The following SPOCD1 variants were observed in gnomAD, a reference collection of about 807,000 sequenced individuals.
SPOCD1 encodes SPOC domain containing 1.
A neutral mutation model predicts 92.2 loss-of-function variants in SPOCD1; 64 were observed. That is an observed-to-expected ratio of 0.69 (90% CI 0.57 to 0.86). SPOCD1 has a LOEUF of 0.86. Among genes scored for constraint, SPOCD1 ranks in the 40% least tolerant of loss-of-function variants. The probability of loss-of-function intolerance (pLI) is 0.00; values close to 1 mark genes in which losing one functional copy is unlikely to be tolerated. For synonymous variants in SPOCD1, 578 were observed against 619.3 expected, an observed-to-expected ratio of 0.93 and a Z score of 0.99; for missense variants, 1,360 against 1,543.1, an observed-to-expected ratio of 0.88 and a Z score of 1.99.
At position 31,792,406 on chromosome 1, in the gene SPOCD1, G is replaced by A. The variant is rs1268034491; in HGVS notation, c.2776-5C>T. Reference sequence around the variant, plus strand: ...CAGTCTGACCACGCAGACGTCCTGCGGTGGCAGGAGGAGAGCAGCTGTAAG... The same window carrying A: ...CAGTCTGACCACGCAGACGTCCTGCAGTGGCAGGAGGAGAGCAGCTGTAAG... On this transcript the variant is annotated splice_polypyrimidine_tract_variant and splice_region_variant and intron_variant, in intron 14 of 15. Transcript: ENST00000360482. 5.0e-6 allele frequency: 8 copies of A among 1,612,366 alleles called. No individual in the cohort carries two copies. Among genetic ancestry groups the A allele is most frequent in the Admixed American group, 1.7e-5 (1 of 59,888 alleles).
chr1:31,791,355 C>T, intron 15 of SPOCD1, 64 bp from the exon 16 acceptor site: 10 of 1,336,270 alleles, frequency 7.5e-6, no homozygotes, highest in Non-Finnish European at 9.9e-6. Flanking sequence ...CCAGGAAGGG[C>T]TTCTTCACAG....
chr1:31,804,221 G>A (rs967223803), intron 2 of SPOCD1, among the ~76,000 whole-genome samples: 3 of 152,150 alleles, frequency 2.0e-5, no homozygotes, highest in East Asian at 1.9e-4. Flanking sequence ...ATCTTATGAG[G>A]TACTGGTACT....
At position 31,799,693 on chromosome 1, in the gene SPOCD1, TG is replaced by T. The variant is rs933774726; in HGVS notation, c.1783+115del. The T allele has an allele frequency of 5.3e-5, 71 of 1,346,302 alleles. 1 individual carries two copies. Among genetic ancestry groups the T allele is most frequent in the Non-Finnish European group, 8.3e-6 (8 of 958,466 alleles). 83.4% of individuals were successfully genotyped at this position (1,346,302 alleles called of 1,614,324 possible). A position where few individuals can be genotyped will look rare whatever the true frequency, so the allele number is the denominator to read the frequency against. On this transcript the variant is annotated intron_variant, in intron 6 of 15. Transcript: ENST00000360482. The stretch of plus-strand genomic sequence containing the variant: ...CCTTTGGGGAGGAGCTATAGGCTGA[TG>T]GGATGTGGGGAGAGAAGAATCATAG...
intron 2 of SPOCD1, among the ~76,000 whole-genome samples, chr1:31,813,714 T>G (rs1165548002): frequency 6.6e-6 from 1 of 152,142 alleles, no homozygotes. Context: ...GAGGCAAAAT[T>G]CGAACCCAGG....
At chr1:31,799,924 A>T in intron 5 of SPOCD1, 61 bp from the exon 6 acceptor site, 7 of 1,613,596 alleles carry the variant, frequency 4.3e-6, no homozygotes, top group Non-Finnish European at 5.9e-6. Flanking sequence ...AGCCCAGGGG[A>T]CACTGCTTCC....
intron 12 of SPOCD1, 36 bp downstream of exon 12, chr1:31,793,711 G>A: frequency 6.2e-7 from 1 of 1,613,062 alleles, no homozygotes; most frequent in Non-Finnish European, 8.5e-7. Flanking sequence ...CCTCAACCCT[G>A]CTGGGTTATC....
In SPOCD1 at chr1:31,800,558, C is replaced by T. The variant is rs1461925624; in HGVS notation, c.1485G>A (p.Gly495=). The change falls in exon 4 of 16, where the codon GGG becomes GGA. Residue 495 remains glycine, a synonymous_variant. Coordinates refer to ENST00000360482, the MANE Select transcript of SPOCD1 (RefSeq NM_144569.7). The stretch of plus-strand genomic sequence containing the variant: ...GAACCTCCAGCTTTGGTGGCAGCTG[C>T]CCCCCTGCCTGGCCGTGGCTGATGG... ...LGAISHGQAG[G]QLPPKLEVLE... 8.1e-6 allele frequency: 13 copies of T among 1,610,700 alleles called. No homozygotes were observed. Among genetic ancestry groups the T allele is most frequent in the Non-Finnish European group, 1.1e-5 (13 of 1,178,734 alleles).
chr1:31,804,689 A>G (rs1007886772), intron 2 of SPOCD1, among the ~76,000 whole-genome samples: 10 of 17,276 alleles, frequency 5.8e-4, no homozygotes, highest in Non-Finnish European at 1.3e-3. Flanking sequence ...AATCCCAGAT[A>G]GATAAGATGA....
At chr1:31,804,179 T>G (rs1648660446) in intron 2 of SPOCD1, among the ~76,000 whole-genome samples, 1 of 152,226 alleles carries the variant, frequency 6.6e-6, no homozygotes, top group South Asian at 2.1e-4. Context: ...TGGCAAGTGC[T>G]TTACATATTA....
chr1:31,805,427 A>G (rs1223146703), intron 2 of SPOCD1, among the ~76,000 whole-genome samples: 1 of 152,166 alleles, frequency 6.6e-6, no homozygotes, highest in Non-Finnish European at 1.5e-5. Context: ...TGCAAAACAT[A>G]CGCAAAGCAC....
In SPOCD1 at chr1:31,814,737, G is replaced by T; in HGVS notation, c.597C>A (p.Asp199Glu). ...TCTTTCTTACCCTCACAGGGACTGGGTCTGGTGAGGATGTCAGGGGCCTTC... is the reference window on the plus strand; with the variant it reads ...TCTTTCTTACCCTCACAGGGACTGGTTCTGGTGAGGATGTCAGGGGCCTTC... ...PPGRPLTSSP[D>E]PVPVRVRKKW... is the part of the protein sequence containing the mutation. Residue 199 changes from aspartate (D) to glutamate (E), a missense_variant, in exon 2 of 16, where the codon GAC becomes GAA. Transcript: ENST00000360482. This position sits in a 1 kb window ranked among gnomAD's most constrained non-coding sequence, Gnocchi z 4.2. The T allele has an allele frequency of 6.2e-7, 1 of 1,613,478 alleles. No homozygotes were observed. Among genetic ancestry groups the T allele is most frequent in the Non-Finnish European group, 8.5e-7 (1 of 1,179,708 alleles).
chr1:31,792,545 G>A, intron 14 of SPOCD1, 133 bp downstream of exon 14: 1 of 1,143,956 alleles, frequency 8.7e-7, no homozygotes, highest in Non-Finnish European at 1.2e-6. Context: ...CCTGTCCAGG[G>A]TCACACAGTG....
chr1:31,798,373 C>A lies in SPOCD1; in HGVS notation c.2029-50G>T, dbSNP rs141184600. ...GCACCACACGCTGAAAGAGCTCCCC[C>A]ACCCTAGCATCCTGCAGGGGCTCTG... On this transcript the variant is annotated intron_variant, in intron 8 of 15. Coordinates refer to ENST00000360482, the MANE Select transcript of SPOCD1 (RefSeq NM_144569.7). The surrounding 1 kb of genome is among the most constrained non-coding windows in gnomAD (Gnocchi z 4.1). 22 of 1,595,956 alleles carry A rather than the reference C, an allele frequency of 1.4e-5. No individual in the cohort carries two copies. Among genetic ancestry groups the A allele is most frequent in the South Asian group, 1.0e-4 (9 of 88,414 alleles).
intron 2 of SPOCD1, among the ~76,000 whole-genome samples, chr1:31,802,494 G>A (rs569183751): frequency 1.3e-5 from 2 of 152,152 alleles, no homozygotes. Context: ...ACTTAGCTGC[G>A]GGGCTATGTG....
chr1:31,801,639 G>T, intron 3 of SPOCD1, 25 bp downstream of exon 3: 1 of 1,610,740 alleles, frequency 6.2e-7, no homozygotes, highest in Non-Finnish European at 8.5e-7. Flanking sequence ...AGAAAGAAAA[G>T]CAATAATAAA....
rs35252813 is a variant in SPOCD1, at chr1:31,790,989, G to A, written c.3265C>T (p.Pro1089Ser). The A allele has an allele frequency of 0.032, 51,334 of 1,583,348 alleles. 941 individuals are homozygous for A. Among genetic ancestry groups the A allele is most frequent in the East Asian group, 0.035 (1,543 of 44,524 alleles). ...APRGISAWQR[P>S]PRGRGRLWPE... ...CAGAGCCTCCCCCTGCCTCTGGGGG[G>A]CCTCTGCCAAGCAGAGATTCCCCTT... The change falls in exon 16 of 16, where the codon CCC becomes TCC. Residue 1089 changes from proline (P) to serine (S), a missense_variant. Physicochemically the swap from Pro to Ser is moderately conservative, Grantham distance 74 (BLOSUM62 -1). Coordinates refer to ENST00000360482, the MANE Select transcript of SPOCD1 (RefSeq NM_144569.7).
intron 10 of SPOCD1, chr1:31,795,572 CA>C (rs1360170827): frequency 6.6e-6 from 1 of 150,390 alleles, no homozygotes; most frequent in African/African-American, 2.4e-5. Context: ...CTTTCTCCTA[CA>C]TTGCCATTCA....
At chr1:31,809,999 G>A (rs1211624350) in intron 2 of SPOCD1, among the ~76,000 whole-genome samples, 1 of 152,048 alleles carries the variant, frequency 6.6e-6, no homozygotes, top group African/African-American at 2.4e-5. Context: ...CCTCTTCCTA[G>A]CAAGCCTCTC....
intron 2 of SPOCD1, among the ~76,000 whole-genome samples, chr1:31,809,830 C>T (rs775857022): frequency 9.2e-5 from 14 of 152,134 alleles, no homozygotes; most frequent in Non-Finnish European, 1.5e-4. Flanking sequence ...GGTCCCTGCC[C>T]TGGAGAAAGG....
Sources: gnomAD v4.1 joint callset for allele counts (sites outside exome capture counted in the v4.1 genomes callset) on GRCh38, gnomAD v4.1.1 for gene constraint, Gnocchi (gnomAD v3.1) non-coding constraint, MANE v1.5 for transcripts, NCBI Gene and HGNC (gene_info 2026-07-23, HGNC 2026-07-21) for gene names.